The following PREP variants were observed in gnomAD, a reference collection of about 807,000 sequenced individuals.
PREP encodes prolyl endopeptidase, also known as dJ355L5.1 (prolyl endopeptidase).
Under a neutral mutation model 87.6 loss-of-function variants are expected in PREP, and 29 were observed. The observed-to-expected ratio is 0.33, with a 90% CI of 0.25 to 0.45. PREP has a LOEUF of 0.45. PREP is among the 20% of genes least tolerant of loss of function. The probability of loss-of-function intolerance (pLI) is 1.00; values close to 1 mark genes in which losing one functional copy is unlikely to be tolerated. For missense variants in PREP, 695 were observed against 886.5 expected (o/e 0.78, Z 2.74); for synonymous variants, 337 against 328.6 (o/e 1.03, Z -0.28).
At chr6:105,321,728 TC>T (rs1388917238) in intron 10 of PREP, among the ~76,000 whole-genome samples, 1 of 152,070 alleles carries the variant, frequency 6.6e-6, no homozygotes, top group African/African-American at 2.4e-5. Context: ...ATTATAGGGG[TC>T]CTTCCCTTTC....
chr6:105,323,108 G>A (rs757210827), intron 10 of PREP: 3 of 1,304,010 alleles, frequency 2.3e-6, no homozygotes, highest in South Asian at 2.5e-5. Context: ...GTACCCTTGG[G>A]GAGCTGAAAA....
At chr6:105,311,039 T>C (rs148606526) in intron 10 of PREP, among the ~76,000 whole-genome samples, 159 of 152,316 alleles carry the variant, frequency 1.0e-3, no homozygotes, top group African/African-American at 3.4e-3. Context: ...AATCCCTTAG[T>C]GTGTCTTCGC....
chr6:105,380,582 A>G (rs1772810967), intron 2 of PREP, among the ~76,000 whole-genome samples: 1 of 152,168 alleles, frequency 6.6e-6, no homozygotes, highest in African/African-American at 2.4e-5. Context: ...TGGTCTCTAA[A>G]AGGGGCAGGA....
rs1179089770 is a variant in PREP at position 105,277,988 on chromosome 6, A to AAGAT, written c.*152_*155dup. The AAGAT allele has an allele frequency of 9.4e-7, 1 of 1,066,766 alleles. No individual in the cohort carries two copies. Among genetic ancestry groups the AAGAT allele is most frequent in the African/African-American group, 1.6e-5 (1 of 62,626 alleles). 66.1% of individuals were successfully genotyped at this position (1,066,766 alleles called of 1,614,324 possible). A position where few individuals can be genotyped will look rare whatever the true frequency, so the allele number is the denominator to read the frequency against. ...CTTGCTAAAAAGGAGAAGCCTAAAA[A>AAGAT]AGATAAAATTCCCACGGCAGTTCTG... On this transcript the variant is annotated 3_prime_UTR_variant, in exon 15 of 15. Transcript: ENST00000652536.
At chr6:105,321,974 T>C (rs1771022451) in intron 10 of PREP, among the ~76,000 whole-genome samples, 1 of 151,966 alleles carries the variant, frequency 6.6e-6, no homozygotes, top group Non-Finnish European at 1.5e-5. Flanking sequence ...ACATTCCTGA[T>C]AGGAGAGGCA....
rs1022483287 is a variant in PREP at position 105,274,208 on chromosome 6, C to T, written c.*3936G>A. On this transcript the variant is annotated 3_prime_UTR_variant, in exon 15 of 15. Transcript: ENST00000652536. Reference sequence around the variant, plus strand: ...GAGTCTGGGACATCTAAGATCAAGGCACTGGCAGATTTGGTGTCTAATGAG... The same window carrying T: ...GAGTCTGGGACATCTAAGATCAAGGTACTGGCAGATTTGGTGTCTAATGAG... 3.3e-5 allele frequency among the ~76,000 whole-genome samples: 5 copies of T among 151,964 alleles called. No individual in the cohort carries two copies. Among genetic ancestry groups the T allele is most frequent in the African/African-American group, 9.7e-5 (4 of 41,342 alleles).
intron 6 of PREP, among the ~76,000 whole-genome samples, chr6:105,359,147 A>T (rs1772178128): frequency 6.6e-6 from 1 of 152,214 alleles, no homozygotes; most frequent in Non-Finnish European, 1.5e-5. Flanking sequence ...AAGATTTATC[A>T]AGAGTCTACC....
At chr6:105,318,796 C>T (rs537629959) in intron 10 of PREP, among the ~76,000 whole-genome samples, 1 of 152,274 alleles carries the variant, frequency 6.6e-6, no homozygotes, top group South Asian at 2.1e-4. Flanking sequence ...AAATTTCTGA[C>T]CTATACCCAA....
chr6:105,364,714 T>C (rs1015583323), intron 6 of PREP, among the ~76,000 whole-genome samples: 3 of 152,004 alleles, frequency 2.0e-5, no homozygotes, highest in African/African-American at 7.2e-5. Flanking sequence ...CTGGAAGAAA[T>C]AAAGGAAATG....
chr6:105,290,500 TC>T (rs1770279017), intron 10 of PREP, among the ~76,000 whole-genome samples: 1 of 152,156 alleles, frequency 6.6e-6, no homozygotes, highest in Non-Finnish European at 1.5e-5. Flanking sequence ...AGCTGAATTC[TC>T]CCCAGGCTGA....
At chr6:105,377,310 C>T in intron 3 of PREP, 76 bp downstream of exon 3, 2 of 1,454,386 alleles carry the variant, frequency 1.4e-6, no homozygotes, top group Admixed American at 4.4e-5. Flanking sequence ...GACAAGTTAT[C>T]TGGAATTTGT....
rs1180400792 is a variant in PREP at position 105,276,425 on chromosome 6, A to C, written c.*1719T>G. ...CTGTGCAACCTTGAAAATGCTCTGG[A>C]CTCAGTGGGTCCAACTCAGCTATTT... On this transcript the variant is annotated 3_prime_UTR_variant, in exon 15 of 15. Coordinates refer to ENST00000652536, the MANE Select transcript of PREP (RefSeq NM_002726.5). Among the ~76,000 whole-genome samples, 2 of 152,178 alleles carry C rather than the reference A, an allele frequency of 1.3e-5. No individual in the cohort carries two copies. Among genetic ancestry groups the C allele is most frequent in the African/African-American group, 4.8e-5 (2 of 41,424 alleles).
At position 105,277,836 on chromosome 6, in the gene PREP, C is replaced by T; in HGVS notation, c.*308G>A. On this transcript the variant is annotated 3_prime_UTR_variant, in exon 15 of 15. Coordinates refer to ENST00000652536, the MANE Select transcript of PREP (RefSeq NM_002726.5). The stretch of plus-strand genomic sequence containing the variant: ...TAGATAAGTATGCCCGACTATGATC[C>T]TTAATTCAGCAATCTAATATTCACA... 1 of 382,194 alleles carries T rather than the reference C, an allele frequency of 2.6e-6. No individual in the cohort carries two copies. Among genetic ancestry groups the T allele is most frequent in the Non-Finnish European group, 4.7e-6 (1 of 211,464 alleles). The allele number at this position is 382,194 out of a possible 1,614,324, so 23.7% of individuals were successfully genotyped here. A position where few individuals can be genotyped will look rare whatever the true frequency, so the allele number is the denominator to read the frequency against.
intron 10 of PREP, chr6:105,322,183 G>A (rs956081015): frequency 3.6e-6 from 2 of 556,812 alleles, no homozygotes; most frequent in East Asian, 1.5e-4. Context: ...TACCAGACAG[G>A]GGCTACAGGC....
intron 12 of PREP, among the ~76,000 whole-genome samples, chr6:105,283,037 G>A (rs760408601): frequency 1.4e-4 from 22 of 152,304 alleles, no homozygotes; most frequent in Non-Finnish European, 1.8e-4. Flanking sequence ...CCCTCCCCGC[G>A]AAGACGGAGG....
chr6:105,385,792 C>A (rs1409945596), intron 2 of PREP, among the ~76,000 whole-genome samples: 1 of 152,136 alleles, frequency 6.6e-6, no homozygotes, highest in African/African-American at 2.4e-5. Flanking sequence ...TGGTTTTCTC[C>A]AAATTACAAG....
rs957526886 is a variant in PREP, at chr6:105,276,977, T to C, written c.*1167A>G. ...CTATATAAAATAATAATTTTTATCA[T>C]ATCATCTGATAAAGCAAGACAAAGG... On this transcript the variant is annotated 3_prime_UTR_variant, in exon 15 of 15. Coordinates refer to ENST00000652536, the MANE Select transcript of PREP (RefSeq NM_002726.5). Among the ~76,000 whole-genome samples, 2 of 151,876 alleles carry C rather than the reference T, an allele frequency of 1.3e-5. No individual in the cohort carries two copies. Among genetic ancestry groups the C allele is most frequent in the African/African-American group, 4.9e-5 (2 of 41,202 alleles).
At chr6:105,299,499 T>G (rs1190054) in intron 10 of PREP, among the ~76,000 whole-genome samples, 13,544 of 152,172 alleles carry the variant, frequency 0.089, 693 homozygotes, top group African/African-American at 0.13. Context: ...TTCAGGAGGC[T>G]GAGGCACGAG....
chr6:105,292,822 C>G (rs1004967049), intron 10 of PREP, among the ~76,000 whole-genome samples: 3 of 152,248 alleles, frequency 2.0e-5, no homozygotes, highest in Admixed American at 6.5e-5. Context: ...TACATCAGCA[C>G]TTCCTGCTGC....
Sources: gnomAD v4.1 joint callset for allele counts (sites outside exome capture counted in the v4.1 genomes callset) on GRCh38, gnomAD v4.1.1 for gene constraint, MANE v1.5 for transcripts, NCBI Gene and HGNC (gene_info 2026-07-23, HGNC 2026-07-21) for gene names.